Variants in PRKAG2 observed in about 807,000 individuals in gnomAD.
PRKAG2 encodes 5'-AMP-activated protein kinase subunit gamma-2.
Under a neutral mutation model 69.6 loss-of-function variants are expected in PRKAG2, and 26 were observed. That is an observed-to-expected ratio of 0.37 (90% CI 0.27 to 0.52). The LOEUF (loss-of-function observed/expected upper bound fraction) is 0.52, where lower values mean the gene tolerates loss of function less well. Among genes scored for constraint, PRKAG2 ranks in the 20% least tolerant of loss-of-function variants. The probability of loss-of-function intolerance (pLI) is 0.90; values close to 1 mark genes in which losing one functional copy is unlikely to be tolerated. For synonymous variants in PRKAG2, 293 were observed against 285.0 expected, an observed-to-expected ratio of 1.03 and a Z score of -0.28; for missense variants, 557 against 740.0, an observed-to-expected ratio of 0.75 and a Z score of 2.87.
chr7:151,618,483 C>T (rs967288267), intron 5 of PRKAG2, among the ~76,000 whole-genome samples: 3 of 142,562 alleles, frequency 2.1e-5, no homozygotes, highest in African/African-American at 2.9e-5. Flanking sequence ...TAAAATAGGC[C>T]GGGTGTGGTG....
At chr7:151,794,130 C>G (rs1406559922) in intron 1 of PRKAG2, among the ~76,000 whole-genome samples, 4 of 152,192 alleles carry the variant, frequency 2.6e-5, no homozygotes, top group African/African-American at 9.6e-5. Flanking sequence ...CCCCGCCCCC[C>G]AAGGCCAAGG....
chr7:151,693,862 A>G (rs571540965), intron 3 of PRKAG2, among the ~76,000 whole-genome samples: 1 of 152,296 alleles, frequency 6.6e-6, no homozygotes, highest in African/African-American at 2.4e-5. Flanking sequence ...GAACTGTGAG[A>G]AAGAAATTTC....
At chr7:151,810,634 C>T (rs897784983) in intron 1 of PRKAG2, 1 of 153,394 alleles carries the variant, frequency 6.5e-6, no homozygotes, top group Non-Finnish European at 1.5e-5. Context: ...GCTCTGTACC[C>T]GCAGCCCCGC....
chr7:151,701,570 G>A (rs1277900141), intron 3 of PRKAG2, among the ~76,000 whole-genome samples: 9 of 152,150 alleles, frequency 5.9e-5, no homozygotes, highest in Non-Finnish European at 8.8e-5. Context: ...CCGGCCGGGC[G>A]TGGTGGCTCA....
rs543148382 is a variant in PRKAG2, at chr7:151,764,335, G to A, written c.466+16817C>T. Among the ~76,000 whole-genome samples the A allele has an allele frequency of 3.9e-5, 6 of 152,322 alleles. No individual in the cohort carries two copies. In the South Asian group the frequency reaches 6.2e-4, roughly 16 times the overall value. ...CCAGGAGAGTGATGGAGAGACCAGC[G>A]CTCCAGAAGGGAGAAAGGCTGTCCA... On this transcript the variant is annotated intron_variant, in intron 3 of 15. Coordinates refer to ENST00000287878, the MANE Select transcript of PRKAG2 (RefSeq NM_016203.4).
chr7:151,708,873 A>G (rs1839062207), intron 3 of PRKAG2, among the ~76,000 whole-genome samples: 1 of 152,196 alleles, frequency 6.6e-6, no homozygotes, highest in Admixed American at 6.5e-5. Context: ...GCACAGGTTC[A>G]GCTCGGGGCA....
In PRKAG2 at chr7:151,632,304, T is replaced by C. The variant is rs1363917510; in HGVS notation, c.685-166A>G. ...GGGGCCGGGGGCGGAGCGGGAGCGC[T>C]GCCCCCACCCGCCCGAGGCCGCCGC... On this transcript the variant is annotated intron_variant, in intron 4 of 15. Transcript: ENST00000287878. This position sits in a 1 kb window ranked among gnomAD's most constrained non-coding sequence, Gnocchi z 4.2. The C allele has an allele frequency of 1.1e-6, 1 of 896,150 alleles. No homozygotes were observed. Among genetic ancestry groups the C allele is most frequent in the Non-Finnish European group, 1.3e-6 (1 of 751,032 alleles). 55.5% of individuals were successfully genotyped at this position (896,150 alleles called of 1,614,324 possible).
At chr7:151,858,506 A>AATACCCATATCTCCCAC (rs2079840643) in intron 1 of PRKAG2, among the ~76,000 whole-genome samples, 1 of 152,138 alleles carries the variant, frequency 6.6e-6, no homozygotes, top group African/African-American at 2.4e-5. Flanking sequence ...TGGATAGTTA[A>AATACCCATATCTCCCAC]ATACCCATAT....
At chr7:151,716,228 C>G (rs1796164397) in intron 3 of PRKAG2, among the ~76,000 whole-genome samples, 1 of 152,148 alleles carries the variant, frequency 6.6e-6, no homozygotes, top group African/African-American at 2.4e-5. Flanking sequence ...TGGTGCTGAA[C>G]CTGAGGTGCC....
At chr7:151,855,038 A>G (rs1384301002) in intron 1 of PRKAG2, among the ~76,000 whole-genome samples, 1 of 76,892 alleles carries the variant, frequency 1.3e-5, no homozygotes, top group African/African-American at 5.6e-5. Context: ...CATGCTCCAC[A>G]CACACCGCCC....
chr7:151,723,363 C>G (rs1268733618), intron 3 of PRKAG2, among the ~76,000 whole-genome samples: 1 of 152,144 alleles, frequency 6.6e-6, no homozygotes, highest in African/African-American at 2.4e-5. Context: ...ATTGAAGGAC[C>G]ATGACGCATT....
At chr7:151,635,609 A>C (rs939404546) in intron 4 of PRKAG2, among the ~76,000 whole-genome samples, 1 of 152,166 alleles carries the variant, frequency 6.6e-6, no homozygotes, top group Non-Finnish European at 1.5e-5. Flanking sequence ...ATACTGTATG[A>C]TTCCATTTAT....
At chr7:151,868,327 G>C (rs190671246) in intron 1 of PRKAG2, among the ~76,000 whole-genome samples, 2 of 152,352 alleles carry the variant, frequency 1.3e-5, no homozygotes, top group East Asian at 3.9e-4. Flanking sequence ...AGCTCAGCTC[G>C]TTAATAGCTA....
chr7:151,875,041 T>A (rs928414741), intron 1 of PRKAG2, among the ~76,000 whole-genome samples: 6 of 152,180 alleles, frequency 3.9e-5, no homozygotes, highest in Admixed American at 6.5e-5. Flanking sequence ...GTTTAAGAGG[T>A]TTGTGGCAGC....
At chr7:151,738,811 T>G (rs2073658492) in intron 3 of PRKAG2, among the ~76,000 whole-genome samples, 1 of 152,218 alleles carries the variant, frequency 6.6e-6, no homozygotes, top group South Asian at 2.1e-4. Flanking sequence ...ACCCCTGATT[T>G]CCCACTTCAC....
chr7:151,633,979 G>C (rs1311091265), intron 4 of PRKAG2, among the ~76,000 whole-genome samples: 1 of 152,148 alleles, frequency 6.6e-6, no homozygotes, highest in Non-Finnish European at 1.5e-5. Context: ...ACCCAGGCTG[G>C]AGTGCAGTGG....
chr7:151,558,497 G>A, intron 15 of PRKAG2: 2 of 975,530 alleles, frequency 2.1e-6, no homozygotes, highest in Non-Finnish European at 2.4e-6. Context: ...AGGAGGTGAA[G>A]CGACTTGCTT....
At chr7:151,816,793 G>A (rs1426374833) in intron 1 of PRKAG2, among the ~76,000 whole-genome samples, 1 of 152,186 alleles carries the variant, frequency 6.6e-6, no homozygotes, top group African/African-American at 2.4e-5. Context: ...GGTGAGCTGG[G>A]CCTGTTTTAT....
chr7:151,802,757 A>T (rs997825194), intron 1 of PRKAG2, among the ~76,000 whole-genome samples: 2 of 152,048 alleles, frequency 1.3e-5, no homozygotes, highest in Non-Finnish European at 2.9e-5. Flanking sequence ...CCCAGGACAC[A>T]GCCCTGGCCT....
Sources: allele counts gnomAD v4.1 joint callset (sites outside exome capture counted in the v4.1 genomes callset), GRCh38; gene constraint gnomAD v4.1.1; non-coding constraint Gnocchi (gnomAD v3.1); transcripts MANE v1.5; gene names NCBI Gene and HGNC (gene_info 2026-07-23, HGNC 2026-07-21).